Variants in ARID3C observed in about 807,000 individuals in gnomAD.
ARID3C encodes AT-rich interactive domain-containing protein 3C.
ARID3C carries 42 observed loss-of-function variants against 37.9 expected under a neutral mutation model. That is an observed-to-expected ratio of 1.11 (90% CI 0.87 to 1.43). The LOEUF (loss-of-function observed/expected upper bound fraction) is 1.43. Among genes scored for constraint, ARID3C ranks in the 40% most tolerant of loss-of-function variants. ARID3C has a pLI of 0.00. For missense variants in ARID3C, 581 were observed against 548.8 expected (o/e 1.06, Z -0.59); for synonymous variants, 213 against 228.0 (o/e 0.93, Z 0.59).
At chr9:34,621,264 G>GTAA, downstream of ARID3C, 1 of 474,554 alleles carries the variant, frequency 2.1e-6, no homozygotes, top group South Asian at 4.0e-5. Flanking sequence ...ATTGGCCAGG[G>GTAA]AGGAGGTGCC....
At chr9:34,624,000 G>C (rs867863357) in exon 3 of ARID3C, 1 of 1,601,726 alleles carries the variant, frequency 6.2e-7, no homozygotes, top group African/African-American at 1.3e-5. Context: ...AGAGCGTACA[G>C]GTCGAGCACC....
chr9:34,630,955 A>C (rs1433888957), upstream of ARID3C, among the ~76,000 whole-genome samples: 1 of 152,032 alleles, frequency 6.6e-6, no homozygotes, highest in East Asian at 1.9e-4. Context: ...GGCAGAGCCA[A>C]GCCTCCTCCT....
chr9:34,625,409 A>G (rs995297791), intron 2 of ARID3C, among the ~76,000 whole-genome samples: 1 of 152,216 alleles, frequency 6.6e-6, no homozygotes, highest in Non-Finnish European at 1.5e-5. Context: ...AAGGGAAAAC[A>G]GGGAAGACAT....
chr9:34,629,107 G>T (rs933198502), upstream of ARID3C, among the ~76,000 whole-genome samples: 31 of 152,094 alleles, frequency 2.0e-4, no homozygotes, highest in African/African-American at 6.5e-4. Context: ...GCGGGGCAGG[G>T]CGGGCGGGGC....
At chr9:34,629,709 T>C (rs1187953336), upstream of ARID3C, among the ~76,000 whole-genome samples, 3 of 152,248 alleles carry the variant, frequency 2.0e-5, no homozygotes, top group Non-Finnish European at 2.9e-5. Flanking sequence ...TTTGTCTCTT[T>C]TGACATTCTA....
At chr9:34,623,989 C>A in exon 3 of ARID3C, 1 of 1,603,426 alleles carries the variant, frequency 6.2e-7, no homozygotes, top group Non-Finnish European at 8.5e-7. Context: ...CCAGGCGAAA[C>A]AGAGCGTACA....
At chr9:34,630,548 C>T (rs1163314810), upstream of ARID3C, among the ~76,000 whole-genome samples, 1 of 152,160 alleles carries the variant, frequency 6.6e-6, no homozygotes. Context: ...CCAAACACGA[C>T]CTTTGTCTCC....
intron 2 of ARID3C, among the ~76,000 whole-genome samples, chr9:34,625,211 G>A (rs1408886549): frequency 1.3e-5 from 2 of 152,076 alleles, no homozygotes; most frequent in African/African-American, 2.4e-5. Context: ...ATGGACTGCC[G>A]CCCACCCTGA....
upstream of ARID3C, among the ~76,000 whole-genome samples, chr9:34,629,674 T>TG (rs1207364963): frequency 2.6e-5 from 4 of 152,254 alleles, no homozygotes; most frequent in African/African-American, 9.6e-5. Context: ...ACTCACCGCA[T>TG]GCAGATACAC....
intron 2 of ARID3C, among the ~76,000 whole-genome samples, 175 bp from the exon 4 acceptor site, chr9:34,624,222 G>GGT (rs1820624682): frequency 1.3e-5 from 2 of 151,852 alleles, no homozygotes; most frequent in Non-Finnish European, 2.9e-5. Context: ...GCTAGAACGG[G>GGT]GGGGGGCAAA....
At chr9:34,623,816 A>T in intron 3 of ARID3C, 48 bp downstream of exon 4, 1 of 490,672 alleles carries the variant, frequency 2.0e-6, no homozygotes, top group Non-Finnish European at 3.2e-6. Flanking sequence ...CTCCCGCCCC[A>T]GGCCGAACCC....
chr9:34,626,167 G>C (rs187818861), intron 1 of ARID3C, among the ~76,000 whole-genome samples: 72 of 152,316 alleles, frequency 4.7e-4, no homozygotes, highest in Non-Finnish European at 3.5e-4. Context: ...AGGAAGCTAG[G>C]CTGGGGTTGT....
At chr9:34,623,665 A>G (rs1820611475) in exon 4 of ARID3C, 1 of 1,585,506 alleles carries the variant, frequency 6.3e-7, no homozygotes, top group Non-Finnish European at 8.6e-7. Context: ...TCCCCTGGGG[A>G]GCTGAGCGCT....
intron 1 of ARID3C, among the ~76,000 whole-genome samples, chr9:34,627,119 A>G (rs1049193662): frequency 3.3e-5 from 5 of 152,166 alleles, no homozygotes; most frequent in African/African-American, 1.2e-4. Context: ...TCATCCGTGG[A>G]ACTCAGGCCA....
upstream of ARID3C, among the ~76,000 whole-genome samples, chr9:34,632,739 G>T (rs1437255156): frequency 6.6e-6 from 1 of 152,170 alleles, no homozygotes; most frequent in Non-Finnish European, 1.5e-5. Flanking sequence ...CTGGGTAAAT[G>T]GAGGTGCCCT....
At chr9:34,622,224 C>A in intron 5 of ARID3C, 115 bp from the exon 7 acceptor site, 3 of 1,571,658 alleles carry the variant, frequency 1.9e-6, no homozygotes, top group Admixed American at 1.7e-5. Flanking sequence ...AGCCCCACAC[C>A]TATACTCACA....
exon 7 of ARID3C, chr9:34,621,457 C>T (rs780599736): frequency 1.3e-6 from 2 of 1,515,956 alleles, no homozygotes; most frequent in South Asian, 2.7e-5. Flanking sequence ...AGTAGGACCT[C>T]TCAGGGCAAG....
chr9:34,621,333 G>A, downstream of ARID3C: 1 of 629,522 alleles, frequency 1.6e-6, no homozygotes. Context: ...AAGTCCACAT[G>A]GCATGGGAGG....
At chr9:34,631,970 C>A (rs1466812547), upstream of ARID3C, among the ~76,000 whole-genome samples, 1 of 152,298 alleles carries the variant, frequency 6.6e-6, no homozygotes, top group African/African-American at 2.4e-5. Flanking sequence ...TTGGTTTCCC[C>A]CAGAATGATC....
Sources: gnomAD v4.1 joint callset for allele counts (sites outside exome capture counted in the v4.1 genomes callset) on GRCh38, gnomAD v4.1.1 for gene constraint, MANE v1.5 for transcripts, NCBI Gene and HGNC (gene_info 2026-07-23, HGNC 2026-07-21) for gene names.